LARP4B: variants seen among roughly 807,000 people sequenced by gnomAD.
LARP4B encodes la-related protein 4B.
LARP4B carries 12 observed loss-of-function variants against 89.8 expected under a neutral mutation model. That is an observed-to-expected ratio of 0.13 (90% CI 0.09 to 0.22). The LOEUF is 0.22. Among genes scored for constraint, LARP4B ranks in the 10% least tolerant of loss-of-function variants. The pLI is 1.00. For missense variants in LARP4B, 757 were observed against 947.7 expected, an observed-to-expected ratio of 0.80 and a Z score of 2.64; for synonymous variants, 367 against 363.3, an observed-to-expected ratio of 1.01 and a Z score of -0.12.
At chr10:930,330 C>T (rs1412558866) in intron 1 of LARP4B, among the ~76,000 whole-genome samples, 2 of 152,214 alleles carry the variant, frequency 1.3e-5, no homozygotes, top group Admixed American at 6.5e-5. Flanking sequence ...TACTTACAAA[C>T]TCCACTGCCC....
intron 5 of LARP4B, among the ~76,000 whole-genome samples, chr10:848,538 C>T (rs1304888540): frequency 2.7e-5 from 4 of 148,500 alleles, no homozygotes; most frequent in East Asian, 1.9e-4. Context: ...CATATGTTCA[C>T]GAAGTCAGGT....
intron 5 of LARP4B, among the ~76,000 whole-genome samples, chr10:861,683 C>G (rs910703853): frequency 6.6e-6 from 1 of 152,126 alleles, no homozygotes; most frequent in Non-Finnish European, 1.5e-5. Flanking sequence ...TGTCTTCAGG[C>G]AGATTTTCAC....
chr10:970,083 T>G, the LARP4B span, among the ~76,000 whole-genome samples: 1 of 152,158 alleles, frequency 6.6e-6, no homozygotes, highest in Non-Finnish European at 1.5e-5. Context: ...TAATAACGAC[T>G]GAGATGAAGT....
intron 3 of LARP4B, among the ~76,000 whole-genome samples, chr10:883,907 T>G (rs1835768839): frequency 6.6e-6 from 1 of 152,236 alleles, no homozygotes; most frequent in Admixed American, 6.5e-5. Context: ...TTAAATTTTA[T>G]GCAATTTATA....
chr10:920,274 T>A (rs1185556903), intron 1 of LARP4B, among the ~76,000 whole-genome samples: 5 of 152,228 alleles, frequency 3.3e-5, no homozygotes, highest in Non-Finnish European at 7.3e-5. Flanking sequence ...TAATTTTACC[T>A]CATGGGCTTC....
At chr10:987,111 A>T in the LARP4B span, 2 of 149,776 alleles carry the variant, frequency 1.3e-5, no homozygotes, top group Non-Finnish European at 3.0e-5. Context: ...GGCAATAAGT[A>T]TGAGCATAGC....
intron 1 of LARP4B, among the ~76,000 whole-genome samples, chr10:911,857 G>A (rs527426956): frequency 2.0e-5 from 3 of 152,298 alleles, no homozygotes; most frequent in Admixed American, 6.5e-5. Flanking sequence ...GTGCAATGGC[G>A]GACAAGTCAC....
the LARP4B span, among the ~76,000 whole-genome samples, chr10:961,214 C>T: frequency 1.3e-5 from 2 of 152,236 alleles, no homozygotes; most frequent in Non-Finnish European, 2.9e-5. Flanking sequence ...CATATTTCTT[C>T]TTGGCTCGTT....
rs1297609531 is a variant in LARP4B at position 863,780 on chromosome 10, G to A, written c.393C>T (p.Pro131=). The part of the protein sequence containing the change: ...PADMNALALG[P]SEYDSLPENS... ...TTTCAGGCAGAGAGTCATATTCTGA[G>A]GGACCCAGAGCGAGAGCGTTCATGT... The change falls in exon 5 of 18, where the codon CCC becomes CCT. Residue 131 remains proline (P), a synonymous_variant. Coordinates refer to ENST00000316157, the MANE Select transcript of LARP4B (RefSeq NM_015155.3). The A allele has an allele frequency of 6.2e-7, 1 of 1,613,316 alleles. No homozygotes were observed. The highest frequency in any genetic ancestry group is 1.7e-5 in the Admixed American group (1 of 59,766).
At chr10:837,329 G>T (rs911908837) in intron 7 of LARP4B, among the ~76,000 whole-genome samples, 26 of 152,152 alleles carry the variant, frequency 1.7e-4, no homozygotes, top group African/African-American at 6.0e-4. Context: ...ACATTTTAAA[G>T]ACCTACATAA....
intron 8 of LARP4B, 81 bp downstream of exon 8, chr10:836,322 A>C: frequency 9.9e-7 from 1 of 1,012,424 alleles, no homozygotes; most frequent in Non-Finnish European, 1.5e-6. Flanking sequence ...GCCCAAAAAA[A>C]CACAAAAGTA....
At chr10:870,012 C>G (rs974463763) in intron 3 of LARP4B, 1 of 979,086 alleles carries the variant, frequency 1.0e-6, no homozygotes, top group Non-Finnish European at 1.2e-6. Flanking sequence ...AACATACTTA[C>G]GAACTGTCCG....
chr10:848,782 G>A (rs970731875), intron 5 of LARP4B, among the ~76,000 whole-genome samples: 4 of 152,212 alleles, frequency 2.6e-5, no homozygotes, highest in Non-Finnish European at 4.4e-5. Flanking sequence ...GAGCTCAAGT[G>A]TAACAGCAGA....
intron 1 of LARP4B, among the ~76,000 whole-genome samples, chr10:909,065 C>A (rs571866651): frequency 3.9e-5 from 6 of 152,060 alleles, no homozygotes; most frequent in African/African-American, 1.2e-4. Context: ...GAGGCTGAGG[C>A]GGGCAGATCA....
chr10:815,109 G>A, intron 15 of LARP4B, 39 bp from the exon 16 acceptor site: 2 of 1,516,618 alleles, frequency 1.3e-6, no homozygotes, highest in African/African-American at 2.8e-5. Context: ...AGTCCTGCCG[G>A]CACTAAGCGG....
Position 813,063 on chromosome 10 carries a change from G to C in LARP4B, c.2080C>G (p.Arg694Gly). 6.2e-7 allele frequency: 1 copy of C among 1,614,044 alleles called. No individual in the cohort carries two copies. Among genetic ancestry groups the C allele is most frequent in the South Asian group, 1.1e-5 (1 of 91,068 alleles). Residue 694 changes from arginine to glycine, a missense_variant, in exon 18 of 18, where the codon CGG (arginine) becomes GGG (glycine). Physicochemically the swap from Arg to Gly is moderately radical, Grantham distance 125. Transcript: ENST00000316157. ...GTGGACTTGAGGGCTGGGGGCTCCC[G>C]GTATCTCTCTGCGGGCTCTGCCAGC... is the stretch of plus-strand genomic sequence containing the variant. ...KKLAEPAERY[R>G]EPPALKSTPG... is the part of the protein sequence containing the mutation.
Position 860,088 on chromosome 10 carries a change from G to A in LARP4B, c.430+3655C>T, listed in dbSNP as rs77836828. 2.5e-3 allele frequency among the ~76,000 whole-genome samples: 336 copies of A among 133,724 alleles called. 1 individual carries two copies. Among genetic ancestry groups the A allele is most frequent in the African/African-American group, 9.0e-3 (324 of 35,904 alleles). The allele number at this position is 133,724 out of a possible 152,430, so 87.7% of individuals were successfully genotyped here. On this transcript the variant is annotated intron_variant, in intron 5 of 17. Coordinates refer to ENST00000316157, the MANE Select transcript of LARP4B (RefSeq NM_015155.3). Reference sequence around the variant, plus strand: ...TTATACAAAGGCACCCTCTGGTGAGGGAGTGTGAATAGTGAAGAAGGCCAT... The same window carrying A: ...TTATACAAAGGCACCCTCTGGTGAGAGAGTGTGAATAGTGAAGAAGGCCAT...
At chr10:818,152 T>C (rs905123082) in intron 14 of LARP4B, 1 of 350,440 alleles carries the variant, frequency 2.9e-6, no homozygotes, top group Non-Finnish European at 5.2e-6. Context: ...CAAAGAGCTA[T>C]CCACCCATGG....
At chr10:820,910 GT>G in intron 13 of LARP4B, 65 bp from the exon 14 acceptor site, 2 of 1,393,310 alleles carry the variant, frequency 1.4e-6, no homozygotes, top group Non-Finnish European at 2.0e-6. Flanking sequence ...TATTGAGCAC[GT>G]TTGCACTCAC....
Sources: allele counts gnomAD v4.1 joint callset (sites outside exome capture counted in the v4.1 genomes callset), GRCh38; gene constraint gnomAD v4.1.1; transcripts MANE v1.5; gene names NCBI Gene and HGNC (gene_info 2026-07-23, HGNC 2026-07-21).